Variants in NFIA observed in about 807,000 individuals in gnomAD.
NFIA encodes the protein nuclear factor 1 A-type.
NFIA carries 8 observed loss-of-function variants against 62.8 expected under a neutral mutation model. The ratio of observed to expected loss-of-function variants is 0.13; its 90% CI spans 0.07 to 0.23. The LOEUF is 0.23. Ranked by LOEUF, NFIA falls within the 10% of genes least tolerant of loss-of-function variation. The pLI, the probability that NFIA is intolerant of heterozygous loss-of-function variation, is 1.00. For synonymous variants in NFIA, 235 were observed against 238.1 expected, an observed-to-expected ratio of 0.99 and a Z score of 0.12; for missense variants, 410 against 642.1, an observed-to-expected ratio of 0.64 and a Z score of 3.91.
At chr1:61,409,166 G>A (rs1486288947) in intron 9 of NFIA, among the ~76,000 whole-genome samples, 1 of 152,222 alleles carries the variant, frequency 6.6e-6, no homozygotes, top group East Asian at 1.9e-4. Flanking sequence ...GGTGGGGTGG[G>A]GGTGAGAGAA....
At chr1:61,343,314 G>A (rs1243035877) in intron 4 of NFIA, among the ~76,000 whole-genome samples, 1 of 152,154 alleles carries the variant, frequency 6.6e-6, no homozygotes, top group African/African-American at 2.4e-5. Context: ...AGTGGGGTGG[G>A]AAAATGTATC....
In NFIA at chr1:61,301,478, T is replaced by G. The variant is rs182001118; in HGVS notation, c.625+23893T>G. Among the ~76,000 whole-genome samples, 285 of 152,268 alleles carry G rather than the reference T, an allele frequency of 1.9e-3. 2 individuals are homozygous for G. In the Middle Eastern group the frequency reaches 0.054, roughly 29 times the overall value. On this transcript the variant is annotated intron_variant, in intron 3 of 10. Transcript: ENST00000403491. ...GAGCCACAGACAGTTCCCATTGGTG[T>G]TTTTTAAGAACTGATATTTTCTTAA...
At position 61,455,402 on chromosome 1, in the gene NFIA, C is replaced by T. The variant is rs565836546; in HGVS notation, c.*82C>T. ...TAACATGGACGCAACCTCAACCCAG[C>T]GCAGTTACAACTTCACTATCAGCGG... On this transcript the variant is annotated 3_prime_UTR_variant, in exon 11 of 11. Coordinates refer to ENST00000403491, the MANE Select transcript of NFIA (RefSeq NM_001134673.4). The T allele has an allele frequency of 1.1e-4, 181 of 1,609,012 alleles. 1 individual carries two copies. In the South Asian group the frequency reaches 1.8e-3, roughly 16 times the overall value.
intron 2 of NFIA, among the ~76,000 whole-genome samples, chr1:61,211,507 C>G (rs947282233): frequency 6.6e-6 from 1 of 152,106 alleles, no homozygotes; most frequent in Non-Finnish European, 1.5e-5. Context: ...TCTCAACAAC[C>G]TTTTAAGTCT....
At chr1:61,345,037 A>G (rs1179875485) in intron 4 of NFIA, among the ~76,000 whole-genome samples, 1 of 152,220 alleles carries the variant, frequency 6.6e-6, no homozygotes. Context: ...ATTCCTTAAT[A>G]GCAAACCATT....
In NFIA at chr1:61,458,570, A is replaced by G. The variant is rs923128762; in HGVS notation, c.*3250A>G. On this transcript the variant is annotated 3_prime_UTR_variant, in exon 11 of 11. Transcript: ENST00000403491. ...TTTAAATGAGGAAAAATTTCTGTCA[A>G]ATTAGCCTAGTAAAATTTCTGATCG... is the stretch of plus-strand genomic sequence containing the variant. 2.6e-5 allele frequency: 4 copies of G among 152,186 alleles called. No homozygotes were observed. Among genetic ancestry groups the G allele is most frequent in the African/African-American group, 9.7e-5 (4 of 41,448 alleles). 9.4% of individuals were successfully genotyped at this position (152,186 alleles called of 1,614,324 possible).
At chr1:61,283,259 C>G (rs1658246858) in intron 3 of NFIA, among the ~76,000 whole-genome samples, 1 of 151,972 alleles carries the variant, frequency 6.6e-6, no homozygotes, top group Admixed American at 6.6e-5. Context: ...TTTAGTGCAA[C>G]TGACTTCCTG....
chr1:61,414,742 G>GA (rs1043218718), intron 9 of NFIA, among the ~76,000 whole-genome samples: 9 of 151,360 alleles, frequency 5.9e-5, no homozygotes, highest in Non-Finnish European at 1.0e-4. Context: ...AAGAAAGAAT[G>GA]AAAAAAAAGG....
At chr1:61,184,139 A>C (rs538569785) in intron 2 of NFIA, among the ~76,000 whole-genome samples, 3 of 149,408 alleles carry the variant, frequency 2.0e-5, no homozygotes, top group East Asian at 2.1e-4. Context: ...AAAAAAAAAA[A>C]AAACCCAAAA....
intron 6 of NFIA, among the ~76,000 whole-genome samples, chr1:61,369,934 C>T (rs552631028): frequency 6.6e-6 from 1 of 152,056 alleles, no homozygotes; most frequent in Non-Finnish European, 1.5e-5. Context: ...CGTTAAATAA[C>T]CTAATATAGC....
At chr1:61,329,301 C>G (rs963783482) in intron 3 of NFIA, among the ~76,000 whole-genome samples, 10 of 151,860 alleles carry the variant, frequency 6.6e-5, no homozygotes, top group Admixed American at 3.9e-4. Flanking sequence ...CCACCTCAGC[C>G]TCCCAAAGTG....
intron 2 of NFIA, among the ~76,000 whole-genome samples, chr1:61,177,962 C>T (rs910227944): frequency 6.6e-6 from 1 of 152,172 alleles, no homozygotes; most frequent in African/African-American, 2.4e-5. Context: ...TCAGCTCTTT[C>T]AAGGCACCAT....
chr1:61,311,062 T>A (rs1474195841), intron 3 of NFIA, among the ~76,000 whole-genome samples: 2 of 152,140 alleles, frequency 1.3e-5, no homozygotes, highest in Admixed American at 1.3e-4. Flanking sequence ...ATTTAGTTAG[T>A]ATTGCATCGC....
upstream of NFIA, chr1:61,081,718 G>C: frequency 1.6e-6 from 1 of 634,126 alleles, no homozygotes. Flanking sequence ...CCCCAAATCC[G>C]GTGAATCTTC....
intron 2 of NFIA, among the ~76,000 whole-genome samples, chr1:61,213,234 C>G (rs546006494): frequency 9.8e-5 from 15 of 152,288 alleles, no homozygotes; most frequent in African/African-American, 3.4e-4. Context: ...GATTCAGACC[C>G]TTAGAAGTTC....
chr1:61,235,640 A>T (rs1331015095), intron 2 of NFIA, among the ~76,000 whole-genome samples: 27 of 149,258 alleles, frequency 1.8e-4, no homozygotes, highest in Admixed American at 1.5e-3. Context: ...ACATAGTGAG[A>T]CCCCATCTCT....
chr1:61,395,801 A>G (rs1665240609), intron 7 of NFIA, among the ~76,000 whole-genome samples: 1 of 152,230 alleles, frequency 6.6e-6, no homozygotes, highest in African/African-American at 2.4e-5. Context: ...AGCTTAAAGT[A>G]GCACACTCAG....
intron 2 of NFIA, among the ~76,000 whole-genome samples, chr1:61,202,293 T>C (rs2100591297): frequency 6.6e-6 from 1 of 152,272 alleles, no homozygotes; most frequent in Middle Eastern, 3.4e-3. Context: ...GGAAGGAGGA[T>C]GGAATACAGG....
chr1:61,220,373 G>A (rs1480944841), intron 2 of NFIA, among the ~76,000 whole-genome samples: 1 of 152,186 alleles, frequency 6.6e-6, no homozygotes, highest in Admixed American at 6.5e-5. Flanking sequence ...CCAGCAACAG[G>A]CTTTGGAGAA....
Sources: gnomAD v4.1 joint callset for allele counts (sites outside exome capture counted in the v4.1 genomes callset) on GRCh38, gnomAD v4.1.1 for gene constraint, MANE v1.5 for transcripts, NCBI Gene and HGNC (gene_info 2026-07-23, HGNC 2026-07-21) for gene names.